The following PDE3B variants were observed in gnomAD, a reference collection of about 807,000 sequenced individuals.
PDE3B encodes phosphodiesterase 3B.
In PDE3B, 66 loss-of-function variants were observed where a neutral mutation model predicts 116.8. The observed-to-expected ratio is 0.56, with a 90% CI of 0.46 to 0.69. The LOEUF is 0.69. Among genes scored for constraint, PDE3B ranks in the 30% least tolerant of loss-of-function variants. The pLI, the probability that PDE3B is intolerant of heterozygous loss-of-function variation, is 0.00. For missense variants in PDE3B, 1,384 were observed against 1,368.1 expected, an observed-to-expected ratio of 1.01 and a Z score of -0.18; for synonymous variants, 595 against 533.6, an observed-to-expected ratio of 1.12 and a Z score of -1.59.
intron 1 of PDE3B, among the ~76,000 whole-genome samples, chr11:14,723,779 C>G (rs551486673): frequency 6.6e-6 from 1 of 151,408 alleles, no homozygotes; most frequent in South Asian, 2.1e-4. Flanking sequence ...AAAACAAAAA[C>G]CAGTAAAAGC....
intron 1 of PDE3B, among the ~76,000 whole-genome samples, chr11:14,718,654 C>T (rs1299875546): frequency 6.6e-6 from 1 of 150,504 alleles, no homozygotes; most frequent in Admixed American, 6.6e-5. Flanking sequence ...AACTGAACAA[C>T]CTGCTCCTGA....
At chr11:14,754,914 T>C (rs941225948) in intron 1 of PDE3B, among the ~76,000 whole-genome samples, 2 of 152,186 alleles carry the variant, frequency 1.3e-5, no homozygotes, top group African/African-American at 4.8e-5. Flanking sequence ...AGTTGCACAG[T>C]CTTGGAAGGA....
intron 1 of PDE3B, among the ~76,000 whole-genome samples, chr11:14,694,460 C>T (rs1370698433): frequency 6.6e-6 from 1 of 152,192 alleles, no homozygotes; most frequent in Non-Finnish European, 1.5e-5. Flanking sequence ...GATAAGTCAG[C>T]AGCCATCAGT....
chr11:14,737,434 G>A (rs1376355741), intron 1 of PDE3B, among the ~76,000 whole-genome samples: 3 of 151,782 alleles, frequency 2.0e-5, no homozygotes, highest in Non-Finnish European at 4.4e-5. Flanking sequence ...TTCTGACCTC[G>A]TGATCCGCCA....
intron 1 of PDE3B, among the ~76,000 whole-genome samples, chr11:14,690,837 G>A (rs896876697): frequency 1.3e-5 from 2 of 152,142 alleles, no homozygotes; most frequent in Non-Finnish European, 2.9e-5. Context: ...TTGGGAGTGG[G>A]AAGTGGAGGT....
chr11:14,756,364 T>C (rs1857180691), intron 1 of PDE3B, among the ~76,000 whole-genome samples: 1 of 152,130 alleles, frequency 6.6e-6, no homozygotes, highest in Non-Finnish European at 1.5e-5. Flanking sequence ...TTTTGGGAAA[T>C]AGGCTTTTGC....
intron 1 of PDE3B, among the ~76,000 whole-genome samples, chr11:14,735,100 C>T (rs538822282): frequency 7.4e-4 from 112 of 152,196 alleles, no homozygotes; most frequent in Admixed American, 2.9e-3. Context: ...ATATTTTTCA[C>T]TACAGAAAAA....
chr11:14,661,324 T>G lies in PDE3B; in HGVS notation c.978+16271T>G, dbSNP rs1409759923. On this transcript the variant is annotated intron_variant, in intron 1 of 15. Transcript: ENST00000282096. Reference sequence around the variant, plus strand: ...GAAAATGTGGCGGTTAAGAGGAGGATAGTCGAGATGGCCGAATAGGAACAG... The same window carrying G: ...GAAAATGTGGCGGTTAAGAGGAGGAGAGTCGAGATGGCCGAATAGGAACAG... Among the ~76,000 whole-genome samples the G allele has an allele frequency of 3.3e-5, 5 of 152,236 alleles. No individual in the cohort carries two copies. The East Asian group carries it at 9.7e-4, about 29-fold the overall frequency.
At chr11:14,847,360 T>C (rs1847632263) in intron 12 of PDE3B, among the ~76,000 whole-genome samples, 1 of 151,356 alleles carries the variant, frequency 6.6e-6, no homozygotes, top group African/African-American at 2.4e-5. Flanking sequence ...GGGAAATTTA[T>C]AGCACTAAAT....
chr11:14,675,349 A>C (rs772247897), intron 1 of PDE3B, among the ~76,000 whole-genome samples: 3 of 151,978 alleles, frequency 2.0e-5, no homozygotes, highest in African/African-American at 7.2e-5. Context: ...TTTCTTATCA[A>C]TATTGTTATT....
At chr11:14,824,213 C>T (rs889855776) in intron 7 of PDE3B, among the ~76,000 whole-genome samples, 20 of 152,178 alleles carry the variant, frequency 1.3e-4, no homozygotes, top group African/African-American at 4.8e-4. Flanking sequence ...TAAGAAAGAA[C>T]CAATGCAAGA....
chr11:14,652,920 A>G (rs551832642), intron 1 of PDE3B, among the ~76,000 whole-genome samples: 39 of 152,194 alleles, frequency 2.6e-4, no homozygotes, highest in Non-Finnish European at 4.6e-4. Context: ...AAAATGGGAT[A>G]TCTTTTGATT....
chr11:14,681,266 G>A (rs1854696873), intron 1 of PDE3B, among the ~76,000 whole-genome samples: 1 of 152,120 alleles, frequency 6.6e-6, no homozygotes, highest in Admixed American at 6.5e-5. Flanking sequence ...TATTGCTTTT[G>A]TACCACTGTG....
intron 1 of PDE3B, among the ~76,000 whole-genome samples, chr11:14,754,102 C>A (rs1857123965): frequency 6.6e-6 from 1 of 151,820 alleles, no homozygotes; most frequent in African/African-American, 2.4e-5. Context: ...AGGCTTGACC[C>A]AATTAGGTAG....
At chr11:14,645,990 A>G (rs534044331) in intron 1 of PDE3B, among the ~76,000 whole-genome samples, 2 of 152,208 alleles carry the variant, frequency 1.3e-5, no homozygotes, top group Non-Finnish European at 2.9e-5. Flanking sequence ...TGAGAAATCT[A>G]GGCATATAGA....
At position 14,748,982 on chromosome 11, in the gene PDE3B, G is replaced by C. The variant is rs189126474; in HGVS notation, c.979-22955G>C. Among the ~76,000 whole-genome samples, 18 of 151,282 alleles carry C rather than the reference G, an allele frequency of 1.2e-4. No homozygotes were observed. The East Asian group carries it at 3.5e-3, about 29-fold the overall frequency. ...TGGCTCACTGCAGCTTCCGCCGCCT[G>C]GGTTCATGTGATTCTCATGCTTCAG... On this transcript the variant is annotated intron_variant, in intron 1 of 15. Transcript: ENST00000282096.
chr11:14,735,409 AATT>A (rs1158288897), intron 1 of PDE3B, among the ~76,000 whole-genome samples: 4 of 152,226 alleles, frequency 2.6e-5, no homozygotes, highest in African/African-American at 9.6e-5. Flanking sequence ...ATACTGAAGA[AATT>A]ATAGGAGTTT....
At position 14,871,088 on chromosome 11, in the gene PDE3B, T is replaced by C. The variant is rs1375916623; in HGVS notation, c.*1428T>C. On this transcript the variant is annotated 3_prime_UTR_variant, in exon 16 of 16. Transcript: ENST00000282096. ...TGCAATTTTGCACACAGTGAAACCA[T>C]TAATTTTCCAAGGTAATTCCTTTAG... The C allele has an allele frequency of 2.0e-5, 3 of 152,182 alleles. No individual in the cohort carries two copies. The highest frequency in any genetic ancestry group is 7.2e-5 in the African/African-American group (3 of 41,458). The allele number at this position is 152,182 out of a possible 1,614,324, so 9.4% of individuals were successfully genotyped here.
intron 1 of PDE3B, among the ~76,000 whole-genome samples, chr11:14,667,989 A>G (rs1399228232): frequency 6.6e-6 from 1 of 152,010 alleles, no homozygotes; most frequent in African/African-American, 2.4e-5. Flanking sequence ...CAGACATTAT[A>G]AAAAGAAATA....
Sources: gnomAD v4.1 joint callset for allele counts (sites outside exome capture counted in the v4.1 genomes callset) on GRCh38, gnomAD v4.1.1 for gene constraint, MANE v1.5 for transcripts, NCBI Gene and HGNC (gene_info 2026-07-23, HGNC 2026-07-21) for gene names.